The following GNA14 variants were observed in gnomAD, a reference collection of about 807,000 sequenced individuals.
GNA14 encodes the protein guanine nucleotide-binding protein subunit alpha-14.
A neutral mutation model predicts 42.0 loss-of-function variants in GNA14; 50 were observed. The ratio of observed to expected loss-of-function variants is 1.19; its 90% CI spans 0.95 to 1.51. The LOEUF is 1.51. Ranked by LOEUF, GNA14 falls within the 40% of genes most tolerant of loss-of-function variation. The pLI, the probability that GNA14 is intolerant of heterozygous loss-of-function variation, is 0.00. For synonymous variants in GNA14, 173 were observed against 163.1 expected (o/e 1.06, Z -0.46); for missense variants, 473 against 446.2 (o/e 1.06, Z -0.54).
At chr9:77,506,425 T>C (rs1837071009) in intron 2 of GNA14, among the ~76,000 whole-genome samples, 1 of 152,068 alleles carries the variant, frequency 6.6e-6, no homozygotes, top group African/African-American at 2.4e-5. Context: ...ATGCCTGTAA[T>C]CCCAGCACTT....
chr9:77,603,214 A>G (rs1823595295), intron 1 of GNA14, among the ~76,000 whole-genome samples: 1 of 152,154 alleles, frequency 6.6e-6, no homozygotes, highest in Non-Finnish European at 1.5e-5. Context: ...TCCAAAACCA[A>G]TGCCCTTTCT....
chr9:77,510,142 T>C (rs530216427), intron 2 of GNA14, among the ~76,000 whole-genome samples: 1 of 152,262 alleles, frequency 6.6e-6, no homozygotes, highest in African/African-American at 2.4e-5. Context: ...CTCCCCCAGC[T>C]CTAGACACTC....
chr9:77,552,315 A>G (rs1363365797), intron 1 of GNA14, among the ~76,000 whole-genome samples: 1 of 152,092 alleles, frequency 6.6e-6, no homozygotes, highest in Non-Finnish European at 1.5e-5. Context: ...AGAGGCTGAG[A>G]GATGAACAAA....
intron 1 of GNA14, among the ~76,000 whole-genome samples, chr9:77,563,426 G>C (rs1255610247): frequency 1.3e-5 from 2 of 152,142 alleles, no homozygotes; most frequent in Non-Finnish European, 2.9e-5. Flanking sequence ...GATAATGGCT[G>C]TAAGTCTTGC....
intron 1 of GNA14, among the ~76,000 whole-genome samples, chr9:77,592,231 G>C (rs779124686): frequency 6.6e-6 from 1 of 152,134 alleles, no homozygotes; most frequent in Non-Finnish European, 1.5e-5. Flanking sequence ...GTCAGCCTGG[G>C]GTGCTTGAAT....
chr9:77,511,499 G>C (rs920478484), intron 2 of GNA14, among the ~76,000 whole-genome samples: 1 of 152,208 alleles, frequency 6.6e-6, no homozygotes, highest in Admixed American at 6.5e-5. Context: ...AGATAGGAGA[G>C]ACAATGTACG....
intron 1 of GNA14, among the ~76,000 whole-genome samples, chr9:77,644,327 G>A (rs1587859477): frequency 6.7e-6 from 1 of 149,618 alleles, no homozygotes; most frequent in Non-Finnish European, 1.5e-5. Context: ...GGTGGCTCAC[G>A]CCTATAGTCC....
At chr9:77,439,201 G>A (rs576219114) in intron 2 of GNA14, among the ~76,000 whole-genome samples, 99 of 152,280 alleles carry the variant, frequency 6.5e-4, no homozygotes, top group Non-Finnish European at 1.1e-3. Flanking sequence ...CCCAGAGAAC[G>A]TTCCAGGGAC....
chr9:77,516,556 T>A (rs60444036), intron 2 of GNA14, among the ~76,000 whole-genome samples: 2,755 of 152,214 alleles, frequency 0.018, 69 homozygotes, highest in African/African-American at 0.063. Flanking sequence ...TGAAACCACA[T>A]CTCCACTAAA....
chr9:77,462,052 A>G (rs1189788916), intron 2 of GNA14, among the ~76,000 whole-genome samples: 1 of 152,198 alleles, frequency 6.6e-6, no homozygotes, highest in African/African-American at 2.4e-5. Context: ...TTTTAGGCTG[A>G]GACCACTTGT....
intron 2 of GNA14, among the ~76,000 whole-genome samples, chr9:77,456,673 G>C (rs1836005039): frequency 6.6e-6 from 1 of 152,118 alleles, no homozygotes; most frequent in African/African-American, 2.4e-5. Context: ...TTCTAAAACA[G>C]AGTATGAAAA....
intron 1 of GNA14, among the ~76,000 whole-genome samples, chr9:77,627,788 A>G (rs1302075119): frequency 3.3e-5 from 5 of 152,212 alleles, no homozygotes; most frequent in African/African-American, 1.2e-4. Flanking sequence ...CCAATATCAT[A>G]CTGAATGGGC....
At position 77,447,737 on chromosome 9, in the gene GNA14, G is replaced by A. The variant is rs184730134; in HGVS notation, c.310-13215C>T. 3.1e-4 allele frequency among the ~76,000 whole-genome samples: 47 copies of A among 152,294 alleles called. 1 individual carries two copies. In the Middle Eastern group the frequency reaches 0.017, roughly 55 times the overall value. On this transcript the variant is annotated intron_variant, in intron 2 of 6. Coordinates refer to ENST00000341700, the MANE Select transcript of GNA14 (RefSeq NM_004297.4). ...TCCTTCACTAGATTATTTGCACCCA[G>A]TCTGCAGGGGAGGGAAGAGAGCATG...
intron 2 of GNA14, among the ~76,000 whole-genome samples, chr9:77,486,682 T>C (rs756223727): frequency 6.9e-4 from 105 of 152,342 alleles, no homozygotes; most frequent in Non-Finnish European, 1.1e-3. Context: ...ATTGGCCTAA[T>C]TTCAATACTA....
chr9:77,494,905 T>C (rs531061084), intron 2 of GNA14, among the ~76,000 whole-genome samples: 1 of 152,286 alleles, frequency 6.6e-6, no homozygotes, highest in Admixed American at 6.5e-5. Context: ...GTTCAAGTGA[T>C]TCTCCTGCCT....
chr9:77,641,050 G>A (rs1480526666), intron 1 of GNA14, among the ~76,000 whole-genome samples: 1 of 106,332 alleles, frequency 9.4e-6, no homozygotes, highest in African/African-American at 3.8e-5. Flanking sequence ...ATTTGCATGG[G>A]AAGGAAGGAA....
intron 1 of GNA14, among the ~76,000 whole-genome samples, chr9:77,551,232 A>C (rs1393792466): frequency 6.6e-6 from 1 of 152,134 alleles, no homozygotes; most frequent in Non-Finnish European, 1.5e-5. Context: ...TATATTATAC[A>C]TTCTTTAGCT....
intron 2 of GNA14, among the ~76,000 whole-genome samples, chr9:77,513,864 C>T (rs1837208644): frequency 6.6e-6 from 1 of 152,194 alleles, no homozygotes; most frequent in African/African-American, 2.4e-5. Context: ...TTGGTCTTAT[C>T]CTCAATTTCT....
rs1249621201 is a variant in GNA14, at chr9:77,461,818, C to T, written c.310-27296G>A. On this transcript the variant is annotated intron_variant, in intron 2 of 6. Coordinates refer to ENST00000341700, the MANE Select transcript of GNA14 (RefSeq NM_004297.4). ...AAGGCCCAGTGCTTTCTGATATTCT[C>T]CTGAGCAAGAGTAAAAGCCAAAGAA... Among the ~76,000 whole-genome samples, 3 of 152,144 alleles carry T rather than the reference C, an allele frequency of 2.0e-5. No individual in the cohort carries two copies. The South Asian group carries it at 6.2e-4, about 31-fold the overall frequency.
Sources: allele counts gnomAD v4.1 joint callset (sites outside exome capture counted in the v4.1 genomes callset), GRCh38; gene constraint gnomAD v4.1.1; transcripts MANE v1.5; gene names NCBI Gene and HGNC (gene_info 2026-07-23, HGNC 2026-07-21).